SMIM35: variants seen among roughly 807,000 people sequenced by gnomAD.
SMIM35 encodes the protein TMPRSS4 antisense RNA 1 (non-protein coding).
intron 1 of SMIM35, among the ~76,000 whole-genome samples, chr11:118,080,710 T>C (rs1432905517): frequency 6.6e-6 from 1 of 151,940 alleles, no homozygotes; most frequent in African/African-American, 2.4e-5. Context: ...GAGGGAGAGA[T>C]GAGAAAAACA....
At chr11:118,046,469 G>C (rs1014414831) in intron 1 of SMIM35, among the ~76,000 whole-genome samples, 1 of 152,176 alleles carries the variant, frequency 6.6e-6, no homozygotes, top group Admixed American at 6.5e-5. Context: ...GTGCCTGGCT[G>C]TGTCAGAAAT....
intron 1 of SMIM35, among the ~76,000 whole-genome samples, chr11:118,017,186 A>T (rs1351133844): frequency 1.3e-5 from 2 of 152,214 alleles, no homozygotes; most frequent in Non-Finnish European, 2.9e-5. Flanking sequence ...AGAGATAAAG[A>T]AAAAGGCCAG....
chr11:118,007,355 C>T (rs1389510014), intron 4 of SMIM35, among the ~76,000 whole-genome samples: 1 of 152,212 alleles, frequency 6.6e-6, no homozygotes, highest in Admixed American at 6.5e-5. Context: ...AGCTTGCGCT[C>T]ACCAGCTACA....
intron 3 of SMIM35, 115 bp downstream of exon 3, chr11:118,014,593 C>A: frequency 2.5e-6 from 1 of 398,118 alleles, no homozygotes; most frequent in East Asian, 3.6e-5. Flanking sequence ...TTCTTAGGGG[C>A]ATGAACAGAA....
At chr11:118,037,376 G>C (rs2058367721) in intron 1 of SMIM35, among the ~76,000 whole-genome samples, 1 of 152,116 alleles carries the variant, frequency 6.6e-6, no homozygotes, top group Non-Finnish European at 1.5e-5. Context: ...TAAGATACAG[G>C]GTCCAAAGAG....
At chr11:118,049,376 C>A (rs1216309472) in intron 1 of SMIM35, among the ~76,000 whole-genome samples, 2 of 131,722 alleles carry the variant, frequency 1.5e-5, no homozygotes, top group African/African-American at 6.0e-5. Flanking sequence ...TGAGACAGAG[C>A]CTTGCTCTGT....
chr11:118,009,047 G>C (rs1419012322), intron 4 of SMIM35, among the ~76,000 whole-genome samples: 1 of 152,200 alleles, frequency 6.6e-6, no homozygotes, highest in Non-Finnish European at 1.5e-5. Flanking sequence ...CCTGGAGAAG[G>C]GAAATTTGAG....
intron 1 of SMIM35, among the ~76,000 whole-genome samples, chr11:118,069,561 G>A (rs1240844482): frequency 6.6e-6 from 1 of 152,152 alleles, no homozygotes; most frequent in Non-Finnish European, 1.5e-5. Flanking sequence ...GCTCAGTACA[G>A]GGGCTTCATA....
chr11:118,074,770 G>C (rs1783860), intron 1 of SMIM35, among the ~76,000 whole-genome samples: 1 of 149,820 alleles, frequency 6.7e-6, no homozygotes, highest in African/African-American at 2.5e-5. Context: ...AAAAAAGAAT[G>C]TGGGTTCTGG....
intron 1 of SMIM35, among the ~76,000 whole-genome samples, chr11:118,026,189 C>A (rs1352052523): frequency 6.6e-6 from 1 of 152,224 alleles, no homozygotes; most frequent in Non-Finnish European, 1.5e-5. Flanking sequence ...GTTTTGGTTA[C>A]TGTAGCCTTG....
intron 1 of SMIM35, among the ~76,000 whole-genome samples, chr11:118,018,998 A>G (rs2058205285): frequency 6.6e-6 from 1 of 152,178 alleles, no homozygotes; most frequent in African/African-American, 2.4e-5. Flanking sequence ...AAGTAGCTCA[A>G]TTTCAGAGTA....
intron 1 of SMIM35, among the ~76,000 whole-genome samples, chr11:118,044,576 C>T (rs547479021): frequency 6.6e-6 from 1 of 152,010 alleles, no homozygotes; most frequent in Non-Finnish European, 1.5e-5. Context: ...TGAGGGTGGG[C>T]AGATCACTTG....
chr11:118,009,048 GA>G (rs1202215987), intron 4 of SMIM35, among the ~76,000 whole-genome samples: 1 of 152,204 alleles, frequency 6.6e-6, no homozygotes, highest in Non-Finnish European at 1.5e-5. Flanking sequence ...CTGGAGAAGG[GA>G]AATTTGAGCT....
intron 1 of SMIM35, among the ~76,000 whole-genome samples, chr11:118,024,901 A>G (rs900162438): frequency 3.3e-5 from 5 of 152,200 alleles, no homozygotes; most frequent in Admixed American, 1.3e-4. Context: ...ACCAATAGTT[A>G]GTTCTTCAAC....
At chr11:118,011,553 A>G (rs1450201186) in intron 4 of SMIM35, among the ~76,000 whole-genome samples, 1 of 152,096 alleles carries the variant, frequency 6.6e-6, no homozygotes, top group Non-Finnish European at 1.5e-5. Flanking sequence ...TTAGTCGGGC[A>G]TGATGGCGCA....
rs11216701 is a variant in SMIM35, at chr11:118,024,146, G to A, written c.8-8337C>T. Among the ~76,000 whole-genome samples, 91 of 152,232 alleles carry A rather than the reference G, an allele frequency of 6.0e-4. No homozygotes were observed. In the East Asian group the frequency reaches 0.017, roughly 29 times the overall value. On this transcript the variant is annotated intron_variant, in intron 1 of 4. Transcript: ENST00000689828. ...GGAAAACAGAAAAAAAAATTTTGAT[G>A]AGATATGGCCAACAATTTTCCAATT...
At chr11:118,040,824 G>A (rs1943988004) in intron 1 of SMIM35, among the ~76,000 whole-genome samples, 1 of 152,082 alleles carries the variant, frequency 6.6e-6, no homozygotes, top group African/African-American at 2.4e-5. Context: ...GCACTAAGGG[G>A]TGGATGGGAG....
intron 1 of SMIM35, among the ~76,000 whole-genome samples, chr11:118,077,662 T>C (rs1463225176): frequency 6.6e-6 from 1 of 152,216 alleles, no homozygotes; most frequent in Non-Finnish European, 1.5e-5. Flanking sequence ...GGGGCTGTTC[T>C]GATGCCACGG....
chr11:118,020,891 C>A (rs556262481), intron 1 of SMIM35, among the ~76,000 whole-genome samples: 40 of 152,142 alleles, frequency 2.6e-4, no homozygotes, highest in Non-Finnish European at 5.1e-4. Flanking sequence ...TCTAAATTTA[C>A]CCCTAAGCAT....
Sources: gnomAD v4.1 joint callset for allele counts (sites outside exome capture counted in the v4.1 genomes callset) on GRCh38, gnomAD v4.1.1 for gene constraint, MANE v1.5 for transcripts, NCBI Gene and HGNC (gene_info 2026-07-23, HGNC 2026-07-21) for gene names.